The following JAKMIP2 variants were observed in gnomAD, a reference collection of about 807,000 sequenced individuals.
The protein encoded by JAKMIP2 is janus kinase and microtubule interacting protein 2.
Under a neutral mutation model 115.0 loss-of-function variants are expected in JAKMIP2, and 25 were observed. The ratio of observed to expected loss-of-function variants is 0.22; its 90% CI spans 0.16 to 0.30. JAKMIP2 has a LOEUF of 0.30. JAKMIP2 is among the 10% of genes least tolerant of loss of function. The pLI is 1.00. For missense variants in JAKMIP2, 642 were observed against 957.6 expected (o/e 0.67, Z 4.35); for synonymous variants, 334 against 343.6 (o/e 0.97, Z 0.31).
intron 20 of JAKMIP2, among the ~76,000 whole-genome samples, chr5:147,607,269 C>T (rs1756066121): frequency 6.6e-6 from 1 of 152,198 alleles, no homozygotes; most frequent in African/African-American, 2.4e-5. Context: ...AAAGGGAATG[C>T]TTCCAGCTTT....
intron 12 of JAKMIP2, among the ~76,000 whole-genome samples, chr5:147,633,194 C>G (rs999332333): frequency 6.6e-6 from 1 of 152,168 alleles, no homozygotes; most frequent in Admixed American, 6.5e-5. Flanking sequence ...ATACACAAAA[C>G]TTTGCTGAAT....
intron 1 of JAKMIP2, among the ~76,000 whole-genome samples, chr5:147,716,696 GT>G (rs1239585479): frequency 1.9e-4 from 28 of 148,864 alleles, no homozygotes; most frequent in African/African-American, 5.9e-4. Flanking sequence ...GGGGTTGTTT[GT>G]TTTTTTCTTG....
At chr5:147,711,680 T>C (rs1580817261) in intron 1 of JAKMIP2, among the ~76,000 whole-genome samples, 1 of 152,180 alleles carries the variant, frequency 6.6e-6, no homozygotes, top group Admixed American at 6.5e-5. Context: ...TTGTTGTTGT[T>C]TTTTGAGACA....
At chr5:147,782,381 C>G in intron 1 of JAKMIP2, 75 bp downstream of exon 1, 1 of 1,440,504 alleles carries the variant, frequency 6.9e-7, no homozygotes, top group Non-Finnish European at 9.4e-7. Context: ...TGTTCAAGTT[C>G]AGGCCAGAAA....
rs542656986 is a variant in JAKMIP2, at chr5:147,770,200, TA to T, written c.-149+12255del. 9.9e-4 allele frequency among the ~76,000 whole-genome samples: 150 copies of T among 152,280 alleles called. 1 individual carries two copies. The highest frequency in any genetic ancestry group is 4.6e-4 in the Non-Finnish European group (31 of 68,014). On this transcript the variant is annotated intron_variant, in intron 1 of 21. Coordinates refer to ENST00000616793, the MANE Select transcript of JAKMIP2 (RefSeq NM_001270941.2). ...AAACATTTTTCTACAACATACTGTT[TA>T]AAGGGCTTCATTGCATTCCACATTT...
intron 1 of JAKMIP2, among the ~76,000 whole-genome samples, chr5:147,725,051 C>T (rs1753461314): frequency 6.6e-6 from 1 of 152,118 alleles, no homozygotes; most frequent in African/African-American, 2.4e-5. Flanking sequence ...CCCAAACCCA[C>T]CAAAACCAAG....
chr5:147,611,193 G>C (rs957972661), intron 20 of JAKMIP2, among the ~76,000 whole-genome samples: 1 of 152,112 alleles, frequency 6.6e-6, no homozygotes, highest in African/African-American at 2.4e-5. Flanking sequence ...GGGAGTGAAC[G>C]GTTGTGTCTT....
In JAKMIP2 at chr5:147,591,572, C is replaced by T. The variant is rs1755094362; in HGVS notation, c.*135G>A. The T allele has an allele frequency of 3.3e-6, 3 of 919,588 alleles. No individual in the cohort carries two copies. Among genetic ancestry groups the T allele is most frequent in the Non-Finnish European group, 5.3e-6 (3 of 564,456 alleles). 57.0% of individuals were successfully genotyped at this position (919,588 alleles called of 1,614,324 possible). Reference sequence around the variant, plus strand: ...TTAAAATACACAGTTGTAGTCCTGGCTACAGGGTAGTTCTTAGCTTTTGAT... The same window carrying T: ...TTAAAATACACAGTTGTAGTCCTGGTTACAGGGTAGTTCTTAGCTTTTGAT... On this transcript the variant is annotated 3_prime_UTR_variant, in exon 22 of 22. Coordinates refer to ENST00000616793, the MANE Select transcript of JAKMIP2 (RefSeq NM_001270941.2).
chr5:147,639,158 A>G (rs1757764081), intron 10 of JAKMIP2, among the ~76,000 whole-genome samples: 1 of 152,132 alleles, frequency 6.6e-6, no homozygotes, highest in Non-Finnish European at 1.5e-5. Context: ...TGAGTGTCAA[A>G]TTTCTCTTTT....
In JAKMIP2 at chr5:147,641,691, C is replaced by T; in HGVS notation, c.1281+17G>A. On this transcript the variant is annotated intron_variant, in intron 8 of 21. Transcript: ENST00000616793. ...GCTGTTTGTGGCAAATGCCTGATAA[C>T]TTTGATTTCTTATTACCTTAATTGG... The T allele has an allele frequency of 6.3e-7, 1 of 1,592,332 alleles. No homozygotes were observed. The highest frequency in any genetic ancestry group is 1.1e-5 in the South Asian group (1 of 90,410).
At chr5:147,685,302 A>G (rs1314024772) in intron 1 of JAKMIP2, among the ~76,000 whole-genome samples, 1 of 152,344 alleles carries the variant, frequency 6.6e-6, no homozygotes, top group Non-Finnish European at 1.5e-5. Context: ...CATTGGAAGA[A>G]TGTAGGTAAC....
At chr5:147,612,609 T>C (rs1186431102) in intron 19 of JAKMIP2, among the ~76,000 whole-genome samples, 1 of 152,234 alleles carries the variant, frequency 6.6e-6, no homozygotes, top group Non-Finnish European at 1.5e-5. Context: ...ATTTGCCACC[T>C]TTTCTACTGA....
At chr5:147,764,927 AGAGAGAGAGAGAGAGAGAGG>A (rs1755072449) in intron 1 of JAKMIP2, among the ~76,000 whole-genome samples, 1 of 88,596 alleles carries the variant, frequency 1.1e-5, no homozygotes, top group East Asian at 5.5e-4. Context: ...AGAAAGAGAG[AGAGAGAGAGAGAGAGAGAGG>A]GAGAGAGAGA....
intron 1 of JAKMIP2, among the ~76,000 whole-genome samples, chr5:147,766,695 G>T (rs1755169440): frequency 6.6e-6 from 1 of 152,100 alleles, no homozygotes; most frequent in Admixed American, 6.6e-5. Flanking sequence ...GAAGGAAAAA[G>T]ATAATCTTTT....
chr5:147,765,448 T>G (rs1755121542), intron 1 of JAKMIP2, among the ~76,000 whole-genome samples: 1 of 152,136 alleles, frequency 6.6e-6, no homozygotes, highest in South Asian at 2.1e-4. Flanking sequence ...GGTCTTCACT[T>G]GGCTTGTCTA....
chr5:147,734,978 A>C lies in JAKMIP2; in HGVS notation c.-149+47478T>G, dbSNP rs563728659. Reference sequence around the variant, plus strand: ...TAAGAGTGAAATGCTCTACTACTGCAGGAAGCAGAGTAAATATCCTTTCAG... The same window carrying C: ...TAAGAGTGAAATGCTCTACTACTGCCGGAAGCAGAGTAAATATCCTTTCAG... On this transcript the variant is annotated intron_variant, in intron 1 of 21. Transcript: ENST00000616793. 2.6e-5 allele frequency among the ~76,000 whole-genome samples: 4 copies of C among 152,328 alleles called. No individual in the cohort carries two copies. In the East Asian group the frequency reaches 7.7e-4, roughly 29 times the overall value.
intron 21 of JAKMIP2, among the ~76,000 whole-genome samples, chr5:147,592,119 A>G (rs1197249181): frequency 6.6e-6 from 1 of 152,226 alleles, no homozygotes; most frequent in Non-Finnish European, 1.5e-5. Flanking sequence ...TTCATGATGC[A>G]GAAGTCTGGG....
chr5:147,693,255 C>T (rs757250280), intron 1 of JAKMIP2, among the ~76,000 whole-genome samples: 1 of 152,190 alleles, frequency 6.6e-6, no homozygotes, highest in Admixed American at 6.5e-5. Context: ...TACTTAACAT[C>T]TCTCTGCCCA....
At chr5:147,729,416 C>T (rs939480192) in intron 1 of JAKMIP2, among the ~76,000 whole-genome samples, 4 of 152,076 alleles carry the variant, frequency 2.6e-5, no homozygotes, top group Non-Finnish European at 4.4e-5. Flanking sequence ...AATCACTAAG[C>T]CTTATGTCTC....
Sources: allele counts gnomAD v4.1 joint callset (sites outside exome capture counted in the v4.1 genomes callset), GRCh38; gene constraint gnomAD v4.1.1; transcripts MANE v1.5; gene names NCBI Gene and HGNC (gene_info 2026-07-23, HGNC 2026-07-21).